Variants in NVL observed in about 807,000 individuals in gnomAD.
NVL encodes nuclear VCP like, also known as nuclear valosin-containing protein-like.
A neutral mutation model predicts 110.2 loss-of-function variants in NVL; 84 were observed. That is an observed-to-expected ratio of 0.76 (90% CI 0.64 to 0.91). The LOEUF is 0.91. Ranked by LOEUF, NVL falls within the 40% of genes least tolerant of loss-of-function variation. NVL has a pLI of 0.00. For synonymous variants in NVL, 354 were observed against 361.1 expected (o/e 0.98, Z 0.22); for missense variants, 882 against 1,035.9 (o/e 0.85, Z 2.04).
chr1:224,277,226 C>G (rs192223500), intron 16 of NVL, among the ~76,000 whole-genome samples: 1 of 152,214 alleles, frequency 6.6e-6, no homozygotes, highest in Admixed American at 6.5e-5. Context: ...CCTTGGAAAG[C>G]AGGAGTCCTA....
intron 19 of NVL, among the ~76,000 whole-genome samples, chr1:224,241,693 T>C (rs1168362168): frequency 6.6e-6 from 1 of 151,776 alleles, no homozygotes; most frequent in Admixed American, 6.6e-5. Flanking sequence ...CCATCTCTAC[T>C]AAAAATACAA....
At chr1:224,236,792 T>C (rs1048162636) in intron 19 of NVL, 13 of 455,156 alleles carry the variant, frequency 2.9e-5, no homozygotes, top group Non-Finnish European at 5.3e-5. Context: ...GCACCTGTAG[T>C]CCCAGCTACT....
chr1:224,280,470 G>C (rs1666215926), intron 16 of NVL, among the ~76,000 whole-genome samples: 1 of 151,718 alleles, frequency 6.6e-6, no homozygotes, highest in African/African-American at 2.4e-5. Context: ...CACCTCTGCT[G>C]GAAAATCAAA....
chr1:224,291,417 T>C (rs1203425593), intron 12 of NVL, among the ~76,000 whole-genome samples: 2 of 152,252 alleles, frequency 1.3e-5, no homozygotes, highest in Non-Finnish European at 2.9e-5. Context: ...GACAAGGAAA[T>C]ATATTTTAAA....
chr1:224,285,235 G>A (rs1458716585), intron 15 of NVL, among the ~76,000 whole-genome samples: 2 of 152,102 alleles, frequency 1.3e-5, no homozygotes, highest in Non-Finnish European at 2.9e-5. Context: ...AGGAGTTCGA[G>A]ACCAGCCTAA....
intron 2 of NVL, among the ~76,000 whole-genome samples, chr1:224,321,143 TG>T (rs1670604417): frequency 3.3e-5 from 5 of 152,106 alleles, no homozygotes; most frequent in Admixed American, 3.3e-4. Context: ...TCCAGCCATC[TG>T]GGGGCTGAGG....
chr1:224,282,977 T>G (rs906712916), intron 15 of NVL, among the ~76,000 whole-genome samples: 5 of 152,238 alleles, frequency 3.3e-5, no homozygotes, highest in Non-Finnish European at 5.9e-5. Flanking sequence ...TAGGCCACAC[T>G]TTGCCTCTGC....
intron 2 of NVL, among the ~76,000 whole-genome samples, chr1:224,324,981 C>T (rs1455528469): frequency 6.6e-6 from 1 of 152,090 alleles, no homozygotes; most frequent in African/African-American, 2.4e-5. Flanking sequence ...GTATTCTTGG[C>T]CAGGTGCGGT....
chr1:224,230,820 TA>T (rs1270729118), intron 22 of NVL, among the ~76,000 whole-genome samples: 2 of 152,146 alleles, frequency 1.3e-5, no homozygotes, highest in African/African-American at 4.8e-5. Context: ...GTAGAAGTAG[TA>T]TACAAAACAA....
intron 12 of NVL, among the ~76,000 whole-genome samples, chr1:224,290,630 G>A (rs1326254650): frequency 3.3e-5 from 5 of 151,964 alleles, no homozygotes; most frequent in Admixed American, 1.3e-4. Context: ...GTGAAACCCC[G>A]TCTCTACTAA....
intron 18 of NVL, among the ~76,000 whole-genome samples, chr1:224,252,825 G>A (rs968105395): frequency 1.3e-5 from 2 of 152,170 alleles, no homozygotes; most frequent in Admixed American, 6.6e-5. Flanking sequence ...AAAAATTATT[G>A]AGGACTCCTT....
intron 6 of NVL, chr1:224,305,477 T>G: frequency 4.5e-6 from 1 of 222,786 alleles, no homozygotes. Flanking sequence ...AAGCATCCCA[T>G]ATGGGGAAAA....
chr1:224,298,975 A>T lies in NVL; in HGVS notation c.1062+1587T>A, dbSNP rs979074909. Among the ~76,000 whole-genome samples the T allele has an allele frequency of 3.3e-5, 5 of 152,336 alleles. No individual in the cohort carries two copies. In the South Asian group the frequency reaches 1.0e-3, roughly 32 times the overall value. ...AAAAAAGAGATAAGGATCAGTTAAAATGAAAAAAATTGAAGAAAATTATCT... is the reference window on the plus strand; with the variant it reads ...AAAAAAGAGATAAGGATCAGTTAAATTGAAAAAAATTGAAGAAAATTATCT... On this transcript the variant is annotated intron_variant, in intron 10 of 22. Transcript: ENST00000281701.
rs1558341911 is a variant in NVL at position 224,308,334 on chromosome 1, T to C, written c.343-71A>G. ...GTACTCATAAAAGTTGTATTGCCTATAGTAATAAGTTTTCTATATTTTGTT... is the reference window on the plus strand; with the variant it reads ...GTACTCATAAAAGTTGTATTGCCTACAGTAATAAGTTTTCTATATTTTGTT... On this transcript the variant is annotated intron_variant, in intron 5 of 22. Coordinates refer to ENST00000281701, the MANE Select transcript of NVL (RefSeq NM_002533.4). 5 of 1,347,528 alleles carry C rather than the reference T, an allele frequency of 3.7e-6. No individual in the cohort carries two copies. In the South Asian group the frequency reaches 6.0e-5, roughly 16 times the overall value. The allele number at this position is 1,347,528 out of a possible 1,614,324, so 83.5% of individuals were successfully genotyped here. A position where few individuals can be genotyped will look rare whatever the true frequency, so the allele number is the denominator to read the frequency against.
At chr1:224,311,700 G>A in intron 5 of NVL, 100 bp downstream of exon 5, 3 of 888,378 alleles carry the variant, frequency 3.4e-6, no homozygotes, top group East Asian at 2.4e-5. Flanking sequence ...GATTAGAGGT[G>A]TGAGTCACCA....
intron 4 of NVL, chr1:224,312,132 T>C (rs1669586744): frequency 1.5e-5 from 4 of 273,266 alleles, no homozygotes; most frequent in Non-Finnish European, 2.7e-5. Flanking sequence ...GCAAAGTCCT[T>C]ATGCATTTAC....
intron 15 of NVL, among the ~76,000 whole-genome samples, chr1:224,283,562 A>G (rs1215508854): frequency 6.6e-6 from 1 of 152,184 alleles, no homozygotes; most frequent in Non-Finnish European, 1.5e-5. Flanking sequence ...TAGTGGGGAG[A>G]AGAAGAGGAG....
At chr1:224,312,384 A>T (rs1352865364) in intron 4 of NVL, among the ~76,000 whole-genome samples, 1 of 152,200 alleles carries the variant, frequency 6.6e-6, no homozygotes, top group African/African-American at 2.4e-5. Flanking sequence ...GGAGCAAATA[A>T]ATTTCCTGTA....
chr1:224,310,470 T>A (rs772420085), intron 5 of NVL, among the ~76,000 whole-genome samples: 2 of 152,034 alleles, frequency 1.3e-5, no homozygotes, highest in Admixed American at 1.3e-4. Context: ...AAAAAGTATA[T>A]CCCTTTTTCC....
Sources: gnomAD v4.1 joint callset for allele counts (sites outside exome capture counted in the v4.1 genomes callset) on GRCh38, gnomAD v4.1.1 for gene constraint, MANE v1.5 for transcripts, NCBI Gene and HGNC (gene_info 2026-07-23, HGNC 2026-07-21) for gene names.